The following FRMD4A variants were observed in gnomAD, a reference collection of about 807,000 sequenced individuals.
FRMD4A encodes the protein FERM domain-containing protein 4A.
A neutral mutation model predicts 129.1 loss-of-function variants in FRMD4A; 29 were observed. The ratio of observed to expected loss-of-function variants is 0.22; its 90% CI spans 0.17 to 0.31. The LOEUF (loss-of-function observed/expected upper bound fraction) is 0.31. Ranked by LOEUF, FRMD4A falls within the 10% of genes least tolerant of loss-of-function variation. The pLI, the probability that FRMD4A is intolerant of heterozygous loss-of-function variation, is 1.00. For synonymous variants in FRMD4A, 634 were observed against 571.6 expected (o/e 1.11, Z -1.56); for missense variants, 1,272 against 1,375.8 (o/e 0.92, Z 1.19).
intron 2 of FRMD4A, among the ~76,000 whole-genome samples, chr10:14,028,659 C>T (rs1489290934): frequency 6.6e-6 from 1 of 151,988 alleles, no homozygotes; most frequent in East Asian, 1.9e-4. Context: ...GATGGAGACC[C>T]CCATTTTCCA....
chr10:13,797,528 C>T (rs2093147282), intron 4 of FRMD4A, among the ~76,000 whole-genome samples: 1 of 152,120 alleles, frequency 6.6e-6, no homozygotes, highest in African/African-American at 2.4e-5. Flanking sequence ...CTAGGGAGAG[C>T]CCTGGGGGCC....
chr10:13,805,001 C>T (rs376913721), intron 4 of FRMD4A, among the ~76,000 whole-genome samples: 1 of 152,028 alleles, frequency 6.6e-6, no homozygotes, highest in Non-Finnish European at 1.5e-5. Flanking sequence ...ACATCCTGGC[C>T]GCAGGGTGTC....
chr10:14,179,101 C>A (rs1162056320), intron 2 of FRMD4A, among the ~76,000 whole-genome samples: 1 of 152,156 alleles, frequency 6.6e-6, no homozygotes, highest in African/African-American at 2.4e-5. Flanking sequence ...TGGTTGGAGG[C>A]TCAGGTTTTC....
chr10:13,713,276 A>G (rs1253464533), intron 12 of FRMD4A, among the ~76,000 whole-genome samples: 1 of 152,194 alleles, frequency 6.6e-6, no homozygotes, highest in Non-Finnish European at 1.5e-5. Flanking sequence ...GGATTGGCAG[A>G]GGTTAAATAA....
Position 13,646,963 on chromosome 10 carries a change from C to G in FRMD4A, c.*75G>C. On this transcript the variant is annotated 3_prime_UTR_variant, in exon 25 of 25. Coordinates refer to ENST00000357447, the MANE Select transcript of FRMD4A (RefSeq NM_018027.5). ...CGAGGGTCCCGGGCTTGGCTTTTTC[C>G]TGCCCGTACCACTGGACATCAGCTA... The G allele has an allele frequency of 1.0e-6, 1 of 983,686 alleles. No individual in the cohort carries two copies. The highest frequency in any genetic ancestry group is 1.1e-4 in the East Asian group (1 of 8,804). The allele number at this position is 983,686 out of a possible 1,614,324, so 60.9% of individuals were successfully genotyped here. A position where few individuals can be genotyped will look rare whatever the true frequency, so the allele number is the denominator to read the frequency against.
chr10:13,960,931 A>G (rs1352874721), intron 2 of FRMD4A, among the ~76,000 whole-genome samples: 1 of 152,208 alleles, frequency 6.6e-6, no homozygotes, highest in East Asian at 1.9e-4. Flanking sequence ...GATCCTATGG[A>G]AGGCTGTGTA....
chr10:14,270,794 G>A (rs1443160222), intron 2 of FRMD4A, among the ~76,000 whole-genome samples: 3 of 152,078 alleles, frequency 2.0e-5, no homozygotes, highest in Non-Finnish European at 2.9e-5. Flanking sequence ...GGTACGTTTC[G>A]GGTCACAAAA....
At chr10:14,080,905 C>G (rs1467782009) in intron 2 of FRMD4A, among the ~76,000 whole-genome samples, 2 of 151,648 alleles carry the variant, frequency 1.3e-5, no homozygotes, top group South Asian at 2.1e-4. Flanking sequence ...GAAAGGCACT[C>G]TGTTTTGCAG....
At chr10:13,714,888 A>C (rs557442745) in intron 12 of FRMD4A, among the ~76,000 whole-genome samples, 2 of 151,470 alleles carry the variant, frequency 1.3e-5, no homozygotes, top group East Asian at 3.9e-4. Context: ...AAATACAAAA[A>C]ATTAGCTGGG....
intron 2 of FRMD4A, among the ~76,000 whole-genome samples, chr10:13,999,091 T>C (rs573131526): frequency 1.3e-5 from 2 of 152,218 alleles, no homozygotes; most frequent in South Asian, 2.1e-4. Context: ...GCCTCTGGCC[T>C]GTTGTACTTG....
chr10:13,693,489 T>G, intron 15 of FRMD4A: 2 of 1,136,806 alleles, frequency 1.8e-6, no homozygotes, highest in Non-Finnish European at 1.1e-6. Flanking sequence ...CACCTGGGAG[T>G]AGAATGCAGT....
chr10:14,011,356 G>T (rs2095681665), intron 2 of FRMD4A, among the ~76,000 whole-genome samples: 2 of 152,190 alleles, frequency 1.3e-5, no homozygotes, highest in Non-Finnish European at 2.9e-5. Flanking sequence ...GGGGAGGCAG[G>T]GAGGCTGGCC....
chr10:14,240,183 TCTC>T (rs1355396131), intron 2 of FRMD4A, among the ~76,000 whole-genome samples: 1 of 152,068 alleles, frequency 6.6e-6, no homozygotes, highest in African/African-American at 2.4e-5. Flanking sequence ...CTCCGAAACT[TCTC>T]CTAATGAGGC....
At chr10:14,132,980 G>A (rs1238308078) in intron 2 of FRMD4A, among the ~76,000 whole-genome samples, 1 of 152,154 alleles carries the variant, frequency 6.6e-6, no homozygotes, top group Admixed American at 6.5e-5. Context: ...TTTACGAAGA[G>A]GTAATCCTAT....
intron 12 of FRMD4A, among the ~76,000 whole-genome samples, chr10:13,720,601 T>G (rs540128630): frequency 6.6e-6 from 1 of 152,216 alleles, no homozygotes; most frequent in African/African-American, 2.4e-5. Flanking sequence ...ATAAGAAAAC[T>G]ACGTGGTACA....
chr10:14,062,816 C>A (rs1212812440), intron 2 of FRMD4A, among the ~76,000 whole-genome samples: 1 of 152,174 alleles, frequency 6.6e-6, no homozygotes, highest in Non-Finnish European at 1.5e-5. Flanking sequence ...GTAATTCCAG[C>A]ACTTTGGGAG....
chr10:14,169,788 A>G (rs1166831084), intron 2 of FRMD4A, among the ~76,000 whole-genome samples: 4 of 152,116 alleles, frequency 2.6e-5, no homozygotes, highest in African/African-American at 9.7e-5. Flanking sequence ...CCTCTTATTC[A>G]AGTCTCCATT....
At chr10:14,116,949 T>C (rs1296236074) in intron 2 of FRMD4A, among the ~76,000 whole-genome samples, 9 of 152,392 alleles carry the variant, frequency 5.9e-5, no homozygotes, top group Admixed American at 3.3e-4. Context: ...TCTGTGGCCA[T>C]TGGGAGAATG....
At chr10:13,778,019 T>G (rs1053695514) in intron 6 of FRMD4A, among the ~76,000 whole-genome samples, 1 of 151,872 alleles carries the variant, frequency 6.6e-6, no homozygotes, top group Non-Finnish European at 1.5e-5. Context: ...GTCAGGCTGG[T>G]CTCGAACTCC....
Sources: allele counts gnomAD v4.1 joint callset (sites outside exome capture counted in the v4.1 genomes callset), GRCh38; gene constraint gnomAD v4.1.1; transcripts MANE v1.5; gene names NCBI Gene and HGNC (gene_info 2026-07-23, HGNC 2026-07-21).